The following PRKG1 variants were observed in gnomAD, a reference collection of about 807,000 sequenced individuals.
PRKG1 encodes cGMP-dependent protein kinase 1.
Under a neutral mutation model 88.1 loss-of-function variants are expected in PRKG1, and 35 were observed. The observed-to-expected ratio is 0.40, with a 90% CI of 0.30 to 0.53. The LOEUF is 0.53. PRKG1 is among the 20% of genes least tolerant of loss of function. PRKG1 has a pLI of 0.59. For synonymous variants in PRKG1, 303 were observed against 292.5 expected (o/e 1.04, Z -0.37); for missense variants, 540 against 839.8 (o/e 0.64, Z 4.41).
chr10:52,184,050 C>T (rs547063849), intron 9 of PRKG1, among the ~76,000 whole-genome samples: 4 of 152,230 alleles, frequency 2.6e-5, no homozygotes, highest in African/African-American at 9.6e-5. Flanking sequence ...ACCATGGGTG[C>T]CTCACTATTT....
chr10:52,275,726 G>T (rs146514496), intron 12 of PRKG1, among the ~76,000 whole-genome samples: 1 of 151,998 alleles, frequency 6.6e-6, no homozygotes, highest in Non-Finnish European at 1.5e-5. Flanking sequence ...GAATGATGGT[G>T]GTATTTTGAT....
intron 3 of PRKG1, among the ~76,000 whole-genome samples, chr10:51,495,988 A>G (rs61849792): frequency 0.052 from 7,963 of 152,256 alleles, 287 homozygotes; most frequent in Middle Eastern, 0.1. Flanking sequence ...ATATATTTTC[A>G]AGGTAGATAT....
At position 51,888,989 on chromosome 10, in the gene PRKG1, A is replaced by T. The variant is rs528002244; in HGVS notation, c.699-18518A>T. Among the ~76,000 whole-genome samples, 248 of 152,096 alleles carry T rather than the reference A, an allele frequency of 1.6e-3. 3 individuals are homozygous for T. The highest frequency in any genetic ancestry group is 8.3e-4 in the South Asian group (4 of 4,818). ...AATAAATAAAATTTACTTTCTTTAT[A>T]TGCTAATGCTGCTTATTACTTCCCA... On this transcript the variant is annotated intron_variant, in intron 4 of 17. Transcript: ENST00000373980.
chr10:52,099,365 G>A (rs183296745), intron 7 of PRKG1, among the ~76,000 whole-genome samples: 6 of 152,232 alleles, frequency 3.9e-5, no homozygotes, highest in South Asian at 4.1e-4. Flanking sequence ...ACAGAAGTAC[G>A]AGATGAATAA....
intron 2 of PRKG1, among the ~76,000 whole-genome samples, chr10:51,443,331 A>G (rs1167127602): frequency 1.3e-5 from 2 of 152,048 alleles, no homozygotes; most frequent in African/African-American, 2.4e-5. Context: ...AGCAGATACC[A>G]TATGGCCTGC....
At chr10:52,055,331 T>C (rs1409656576) in intron 6 of PRKG1, among the ~76,000 whole-genome samples, 2 of 152,172 alleles carry the variant, frequency 1.3e-5, no homozygotes, top group Non-Finnish European at 2.9e-5. Flanking sequence ...TAGATATACA[T>C]TAATGTTTTA....
At chr10:51,054,254 A>G (rs947824603) in intron 1 of PRKG1, among the ~76,000 whole-genome samples, 2 of 152,206 alleles carry the variant, frequency 1.3e-5, no homozygotes, top group Non-Finnish European at 2.9e-5. Flanking sequence ...AATGTGTTCC[A>G]ATTCTGTTTT....
intron 4 of PRKG1, among the ~76,000 whole-genome samples, chr10:51,897,585 C>T (rs888571523): frequency 1.3e-5 from 2 of 152,142 alleles, no homozygotes; most frequent in East Asian, 1.9e-4. Flanking sequence ...GAAAATAACT[C>T]GCTTATTGAA....
chr10:51,891,461 A>G (rs1841720058), intron 4 of PRKG1, among the ~76,000 whole-genome samples: 1 of 152,184 alleles, frequency 6.6e-6, no homozygotes, highest in Non-Finnish European at 1.5e-5. Flanking sequence ...ACCTGAGTTA[A>G]ATATTCCATC....
chr10:51,801,649 A>G (rs545556578), intron 3 of PRKG1, among the ~76,000 whole-genome samples: 1 of 152,272 alleles, frequency 6.6e-6, no homozygotes, highest in African/African-American at 2.4e-5. Flanking sequence ...CAACAGATGA[A>G]TTCCTCAGTA....
intron 3 of PRKG1, among the ~76,000 whole-genome samples, chr10:51,602,099 G>A (rs1321274791): frequency 6.6e-6 from 1 of 151,980 alleles, no homozygotes; most frequent in Non-Finnish European, 1.5e-5. Flanking sequence ...TAAAATATAA[G>A]GTGATTTTGG....
At chr10:52,257,208 A>C (rs1264047622) in intron 10 of PRKG1, among the ~76,000 whole-genome samples, 1 of 139,470 alleles carries the variant, frequency 7.2e-6, no homozygotes, top group African/African-American at 2.5e-5. Flanking sequence ...ATGCTAAGAC[A>C]AGGAGGTGTA....
chr10:51,033,883 A>G (rs187365017), intron 1 of PRKG1, among the ~76,000 whole-genome samples: 2 of 152,080 alleles, frequency 1.3e-5, no homozygotes, highest in African/African-American at 4.8e-5. Flanking sequence ...AAGTTTGTTC[A>G]TTTGTTTTTA....
chr10:51,815,765 G>C (rs1324853022), intron 4 of PRKG1, among the ~76,000 whole-genome samples: 1 of 151,976 alleles, frequency 6.6e-6, no homozygotes, highest in African/African-American at 2.4e-5. Context: ...AACTCTTAAC[G>C]GACAGCTTAG....
chr10:51,493,543 T>G (rs1840765974), intron 3 of PRKG1, among the ~76,000 whole-genome samples: 1 of 152,222 alleles, frequency 6.6e-6, no homozygotes, highest in Non-Finnish European at 1.5e-5. Context: ...CACAACATAC[T>G]ATAACTTAAT....
At chr10:52,148,688 C>A (rs747821833) in intron 8 of PRKG1, among the ~76,000 whole-genome samples, 1 of 152,064 alleles carries the variant, frequency 6.6e-6, no homozygotes, top group Non-Finnish European at 1.5e-5. Flanking sequence ...GTGCCATGAG[C>A]GTCTATTGCA....
chr10:52,175,958 G>C (rs879586507), intron 9 of PRKG1, among the ~76,000 whole-genome samples: 1 of 151,930 alleles, frequency 6.6e-6, no homozygotes, highest in Non-Finnish European at 1.5e-5. Context: ...TTTTCACTCT[G>C]TTGATTATTT....
chr10:51,850,562 G>A (rs1840525952), intron 4 of PRKG1, among the ~76,000 whole-genome samples: 1 of 151,778 alleles, frequency 6.6e-6, no homozygotes, highest in South Asian at 2.1e-4. Flanking sequence ...AAACCAGAAG[G>A]CCAATAATAA....
At chr10:52,093,465 A>G (rs1331270399) in intron 7 of PRKG1, among the ~76,000 whole-genome samples, 1 of 152,164 alleles carries the variant, frequency 6.6e-6, no homozygotes, top group African/African-American at 2.4e-5. Flanking sequence ...TTGAAAATGT[A>G]CATGTGAAAG....
Sources: allele counts gnomAD v4.1 joint callset (sites outside exome capture counted in the v4.1 genomes callset), GRCh38; gene constraint gnomAD v4.1.1; transcripts MANE v1.5; gene names NCBI Gene and HGNC (gene_info 2026-07-23, HGNC 2026-07-21).